ATP2A2: variants seen among roughly 807,000 people sequenced by gnomAD.
ATP2A2 encodes the protein sarcoplasmic/endoplasmic reticulum calcium ATPase 2.
A neutral mutation model predicts 109.3 loss-of-function variants in ATP2A2; 14 were observed. That is an observed-to-expected ratio of 0.13 (90% CI 0.08 to 0.20). The LOEUF (loss-of-function observed/expected upper bound fraction) is 0.20. ATP2A2 is among the 10% of genes least tolerant of loss of function. ATP2A2 has a pLI of 1.00. For synonymous variants in ATP2A2, 506 were observed against 490.9 expected (o/e 1.03, Z -0.41); for missense variants, 657 against 1,321.6 (o/e 0.50, Z 7.80).
intron 14 of ATP2A2, among the ~76,000 whole-genome samples, chr12:110,341,990 T>C (rs535735726): frequency 6.6e-6 from 1 of 152,372 alleles, no homozygotes; most frequent in Non-Finnish European, 1.5e-5. Flanking sequence ...AGTAAGATAA[T>C]ACAGATAAAT....
chr12:110,332,500 G>A (rs970548964), intron 8 of ATP2A2, 97 bp from the exon 9 acceptor site: 2 of 1,030,420 alleles, frequency 1.9e-6, no homozygotes, highest in African/African-American at 1.6e-5. Flanking sequence ...AATGAAAGAG[G>A]TTGTTTGCCT....
Position 110,327,715 on chromosome 12 carries a change from T to A in ATP2A2, c.793T>A (p.Ser265Thr). The change falls in exon 8 of 20, where the codon TCC becomes ACC. Residue 265 changes from serine (S) to threonine (T), a missense_variant. Coordinates refer to ENST00000539276, the MANE Select transcript of ATP2A2 (RefSeq NM_170665.4). This position sits in a 1 kb window ranked among gnomAD's most constrained non-coding sequence, Gnocchi z 4.4. ...TGGGGAACAGCTTTCCAAAGTCATC[T>A]CCCTTATTTGCATTGCAGTCTGGAT... ...EFGEQLSKVI[S>T]LICIAVWIIN... 1 of 1,614,192 alleles carries A rather than the reference T, an allele frequency of 6.2e-7. No homozygotes were observed. Among genetic ancestry groups the A allele is most frequent in the Non-Finnish European group, 8.5e-7 (1 of 1,180,028 alleles).
intron 4 of ATP2A2, among the ~76,000 whole-genome samples, chr12:110,293,117 G>A (rs1047038241): frequency 3.3e-5 from 5 of 152,062 alleles, no homozygotes; most frequent in East Asian, 1.9e-4. Context: ...ACTCTCTGTC[G>A]CCCAGGCAGG....
intron 18 of ATP2A2, 71 bp downstream of exon 18, chr12:110,345,453 C>T (rs1879756520): frequency 1.3e-6 from 2 of 1,593,542 alleles, no homozygotes; most frequent in South Asian, 2.2e-5. Flanking sequence ...TGTGTGTAGT[C>T]ACGGTTGATT....
At chr12:110,300,080 G>C (rs1874405459) in intron 5 of ATP2A2, among the ~76,000 whole-genome samples, 1 of 148,622 alleles carries the variant, frequency 6.7e-6, no homozygotes, top group South Asian at 2.1e-4. Context: ...CCGTCAGTCT[G>C]TCCGTCCGTC....
intron 3 of ATP2A2, among the ~76,000 whole-genome samples, chr12:110,285,293 A>G (rs1298599089): frequency 6.6e-6 from 1 of 152,226 alleles, no homozygotes; most frequent in African/African-American, 2.4e-5. Flanking sequence ...AATAAGCTTC[A>G]TCTTCCAGTG....
intron 5 of ATP2A2, among the ~76,000 whole-genome samples, chr12:110,319,539 T>A (rs1877027815): frequency 1.3e-5 from 2 of 150,494 alleles, no homozygotes; most frequent in South Asian, 4.2e-4. Flanking sequence ...TTTCATATAT[T>A]TTAGTAGACC....
intron 5 of ATP2A2, among the ~76,000 whole-genome samples, chr12:110,306,837 C>T (rs913867335): frequency 6.6e-6 from 1 of 152,146 alleles, no homozygotes; most frequent in African/African-American, 2.4e-5. Context: ...AAGCCATCCT[C>T]CCACTTCAGC....
intron 11 of ATP2A2, among the ~76,000 whole-genome samples, chr12:110,335,975 C>T (rs1037713541): frequency 1.3e-5 from 2 of 152,248 alleles, no homozygotes; most frequent in East Asian, 3.8e-4. Context: ...AGTGAATACC[C>T]TCTATCTGCA....
chr12:110,330,622 T>C (rs1878244763), intron 8 of ATP2A2: 1 of 152,218 alleles, frequency 6.6e-6, no homozygotes, highest in Admixed American at 6.5e-5. Context: ...AATTTCAGTT[T>C]CCCAGTTCAC....
intron 5 of ATP2A2, among the ~76,000 whole-genome samples, chr12:110,302,585 T>TATC (rs36073899): frequency 8.4e-5 from 1 of 11,882 alleles, no homozygotes; most frequent in Non-Finnish European, 1.6e-4. Flanking sequence ...TTTTTATTAC[T>TATC]ATTATTATTA....
chr12:110,296,470 T>G (rs1873974280), intron 4 of ATP2A2, 129 bp from the exon 5 acceptor site: 1 of 1,216,942 alleles, frequency 8.2e-7, no homozygotes, highest in African/African-American at 1.5e-5. Flanking sequence ...TGTGAATTGT[T>G]TAGTACAAAT....
chr12:110,293,367 C>CTTTTTTTTTTTTTTTTT (rs1178977431), intron 4 of ATP2A2, among the ~76,000 whole-genome samples: 1 of 79,858 alleles, frequency 1.3e-5, no homozygotes, highest in Non-Finnish European at 2.4e-5. Flanking sequence ...CACTCCCGGC[C>CTTTTTTTTTTTTTTTTT]TTTTTTTTTT....
Position 110,343,371 on chromosome 12 carries a change from C to T in ATP2A2, c.2458C>T (p.Pro820Ser). ...PPDLDIMNKP[P>S]RNPKEPLISG... ...TGATCTGGACATCATGAATAAACCT[C>T]CCCGGAACCCAAAGGAACCATTGAT... The change falls in exon 16 of 20, where the codon CCC becomes TCC. Residue 820 changes from proline to serine, a missense_variant. Pro to Ser is a moderately conservative substitution (Grantham distance 74). Coordinates refer to ENST00000539276, the MANE Select transcript of ATP2A2 (RefSeq NM_170665.4). 1 of 1,614,204 alleles carries T rather than the reference C, an allele frequency of 6.2e-7. No individual in the cohort carries two copies. Among genetic ancestry groups the T allele is most frequent in the Non-Finnish European group, 8.5e-7 (1 of 1,180,044 alleles).
At position 110,339,175 on chromosome 12, in the gene ATP2A2, T is replaced by G; in HGVS notation, c.1420-106T>G. The G allele has an allele frequency of 6.7e-7, 1 of 1,482,304 alleles. No homozygotes were observed. The highest frequency in any genetic ancestry group is 2.3e-5 in the East Asian group (1 of 43,900). 91.8% of individuals were successfully genotyped at this position (1,482,304 alleles called of 1,614,324 possible). On this transcript the variant is annotated intron_variant, in intron 11 of 19. Coordinates refer to ENST00000539276, the MANE Select transcript of ATP2A2 (RefSeq NM_170665.4). The surrounding 1 kb of genome is among the most constrained non-coding windows in gnomAD (Gnocchi z 4.4). ...GCAAAAACCTGTCTGTTTTGTTTATTGCTATATTCCTAGCATCTGTCATGT... is the reference window on the plus strand; with the variant it reads ...GCAAAAACCTGTCTGTTTTGTTTATGGCTATATTCCTAGCATCTGTCATGT...
chr12:110,294,894 A>G (rs1386380279), intron 4 of ATP2A2, among the ~76,000 whole-genome samples: 4 of 152,022 alleles, frequency 2.6e-5, no homozygotes, highest in Non-Finnish European at 5.9e-5. Context: ...ATCTTGGCCC[A>G]CTGCAGCCTC....
At chr12:110,334,183 C>T (rs892276937) in intron 11 of ATP2A2, 40 bp downstream of exon 11, 1 of 1,610,740 alleles carries the variant, frequency 6.2e-7, no homozygotes, top group Non-Finnish European at 8.5e-7. Context: ...TGCTGCTTAT[C>T]AGTCGTACTA....
chr12:110,345,660 G>A, intron 18 of ATP2A2: 2 of 581,254 alleles, frequency 3.4e-6, no homozygotes, highest in South Asian at 4.0e-5. Context: ...CACCCACAGG[G>A]AAGGAACCTC....
At chr12:110,284,377 AAAAATT>A (rs1478813429) in intron 3 of ATP2A2, among the ~76,000 whole-genome samples, 1 of 152,226 alleles carries the variant, frequency 6.6e-6, no homozygotes, top group African/African-American at 2.4e-5. Flanking sequence ...GGAACTTCTT[AAAAATT>A]AATCAGCTGA....
Sources: allele counts gnomAD v4.1 joint callset (sites outside exome capture counted in the v4.1 genomes callset), GRCh38; gene constraint gnomAD v4.1.1; non-coding constraint Gnocchi (gnomAD v3.1); transcripts MANE v1.5; gene names NCBI Gene and HGNC (gene_info 2026-07-23, HGNC 2026-07-21).